DOK6: variants seen among roughly 807,000 people sequenced by gnomAD.
DOK6 encodes the protein downstream of tyrosine kinase 6.
Under a neutral mutation model 44.0 loss-of-function variants are expected in DOK6, and 22 were observed. The observed-to-expected ratio is 0.50, with a 90% CI of 0.36 to 0.71. The LOEUF (loss-of-function observed/expected upper bound fraction) is 0.71. DOK6 is among the 30% of genes least tolerant of loss of function. DOK6 has a pLI of 0.00. For missense variants in DOK6, 340 were observed against 416.4 expected, an observed-to-expected ratio of 0.82 and a Z score of 1.60; for synonymous variants, 166 against 145.5, an observed-to-expected ratio of 1.14 and a Z score of -1.01.
intron 7 of DOK6, among the ~76,000 whole-genome samples, chr18:69,813,588 A>T (rs2145117985): frequency 6.6e-6 from 1 of 152,288 alleles, no homozygotes; most frequent in East Asian, 1.9e-4. Flanking sequence ...AAATTAAAGA[A>T]TTTCTAGAGA....
chr18:69,571,360 A>G (rs2144603168), intron 2 of DOK6, among the ~76,000 whole-genome samples: 1 of 152,180 alleles, frequency 6.6e-6, no homozygotes, highest in Admixed American at 6.5e-5. Context: ...AAAAATGTAA[A>G]CAAAGAAGAA....
At chr18:69,730,839 G>C (rs1000077064) in intron 5 of DOK6, among the ~76,000 whole-genome samples, 2 of 152,002 alleles carry the variant, frequency 1.3e-5, no homozygotes, top group African/African-American at 4.8e-5. Flanking sequence ...GGATGTGATG[G>C]CTAACACCTG....
intron 1 of DOK6, chr18:69,471,487 C>T (rs1184209771): frequency 1.3e-5 from 2 of 151,772 alleles, no homozygotes; most frequent in Non-Finnish European, 2.9e-5. Context: ...CTTTGTAAGC[C>T]GTGGCACGGT....
intron 3 of DOK6, among the ~76,000 whole-genome samples, chr18:69,603,891 T>C (rs1401752096): frequency 1.3e-5 from 2 of 152,126 alleles, no homozygotes; most frequent in Admixed American, 6.5e-5. Context: ...GGGAAACTAT[T>C]TTGGATATTA....
intron 2 of DOK6, among the ~76,000 whole-genome samples, chr18:69,580,943 C>T (rs1417136795): frequency 6.6e-6 from 1 of 152,108 alleles, no homozygotes; most frequent in African/African-American, 2.4e-5. Flanking sequence ...CTTTCTGTAC[C>T]TATCTTATTT....
At chr18:69,794,791 C>T (rs1001826520) in intron 7 of DOK6, among the ~76,000 whole-genome samples, 5 of 152,234 alleles carry the variant, frequency 3.3e-5, no homozygotes, top group Admixed American at 6.5e-5. Flanking sequence ...GTCAGATCAG[C>T]GGCATGAGAT....
intron 6 of DOK6, among the ~76,000 whole-genome samples, chr18:69,747,420 G>GATTACCT (rs1462923167): frequency 2.0e-5 from 3 of 152,168 alleles, no homozygotes; most frequent in African/African-American, 2.4e-5. Context: ...GAGACAGTAA[G>GATTACCT]ATTACCTAAG....
chr18:69,438,311 G>T (rs1180917912), intron 1 of DOK6, among the ~76,000 whole-genome samples: 2 of 152,176 alleles, frequency 1.3e-5, no homozygotes, highest in Admixed American at 1.3e-4. Context: ...TTCATCATGA[G>T]TAGATTCCAT....
At chr18:69,653,043 G>T (rs994411232) in intron 3 of DOK6, among the ~76,000 whole-genome samples, 6 of 152,040 alleles carry the variant, frequency 3.9e-5, no homozygotes, top group African/African-American at 1.4e-4. Context: ...CAACACTCTC[G>T]TTAAAAACAT....
At chr18:69,738,919 T>G (rs1382798115) in intron 5 of DOK6, 46 bp from the exon 6 acceptor site, 1 of 1,605,626 alleles carries the variant, frequency 6.2e-7, no homozygotes, top group South Asian at 1.1e-5. Flanking sequence ...TGTTATGCAC[T>G]TGAACACATG....
intron 3 of DOK6, among the ~76,000 whole-genome samples, chr18:69,631,011 C>G (rs550893773): frequency 3.9e-5 from 6 of 152,120 alleles, no homozygotes; most frequent in African/African-American, 9.6e-5. Context: ...AATTTGCATT[C>G]AAGGTGTTAT....
intron 1 of DOK6, among the ~76,000 whole-genome samples, chr18:69,436,170 G>C (rs1051052333): frequency 9.4e-6 from 1 of 106,284 alleles, no homozygotes; most frequent in Non-Finnish European, 1.8e-5. Context: ...GAATTATCTG[G>C]ATTTTTTTTT....
Position 69,841,483 on chromosome 18 carries a change from T to C in DOK6, c.*100T>C, listed in dbSNP as rs758846248. 4.2e-5 allele frequency: 64 copies of C among 1,518,894 alleles called. No homozygotes were observed. The highest frequency in any genetic ancestry group is 5.3e-5 in the Non-Finnish European group (60 of 1,128,560). The allele number at this position is 1,518,894 out of a possible 1,614,324, so 94.1% of individuals were successfully genotyped here. ...CTGGAAGACCAATTGCAGTACAAAT[T>C]GAAATGGGTCGGCTCTAGCCCCAGT... On this transcript the variant is annotated 3_prime_UTR_variant, in exon 8 of 8. Coordinates refer to ENST00000382713, the MANE Select transcript of DOK6 (RefSeq NM_152721.6).
intron 1 of DOK6, among the ~76,000 whole-genome samples, chr18:69,458,301 A>G (rs910868392): frequency 6.6e-6 from 1 of 152,234 alleles, no homozygotes; most frequent in African/African-American, 2.4e-5. Flanking sequence ...AAAAACATAT[A>G]TCATCTCAAC....
intron 5 of DOK6, among the ~76,000 whole-genome samples, chr18:69,733,379 T>C (rs1236380925): frequency 6.6e-6 from 1 of 152,200 alleles, no homozygotes; most frequent in Non-Finnish European, 1.5e-5. Flanking sequence ...CATGCAAAGA[T>C]GCATATAAAT....
intron 3 of DOK6, among the ~76,000 whole-genome samples, chr18:69,671,673 T>C (rs1985802035): frequency 6.6e-6 from 1 of 152,214 alleles, no homozygotes; most frequent in South Asian, 2.1e-4. Context: ...CTATTTTATC[T>C]AGCTAAGCAA....
intron 1 of DOK6, among the ~76,000 whole-genome samples, chr18:69,457,257 T>C (rs1979656576): frequency 1.3e-5 from 2 of 152,228 alleles, no homozygotes; most frequent in African/African-American, 4.8e-5. Flanking sequence ...TGCTAGGTTT[T>C]CTTCTAGGAT....
intron 6 of DOK6, among the ~76,000 whole-genome samples, chr18:69,755,387 T>C (rs1979322524): frequency 6.6e-6 from 1 of 152,206 alleles, no homozygotes; most frequent in Non-Finnish European, 1.5e-5. Flanking sequence ...ATCAATGATC[T>C]ACTGTATGCT....
Position 69,794,100 on chromosome 18 carries a change from T to C in DOK6, c.856+36227T>C, listed in dbSNP as rs548667553. Among the ~76,000 whole-genome samples the C allele has an allele frequency of 2.6e-5, 4 of 152,196 alleles. No homozygotes were observed. In the South Asian group the frequency reaches 8.3e-4, roughly 31 times the overall value. On this transcript the variant is annotated intron_variant, in intron 7 of 7. Transcript: ENST00000382713. Reference sequence around the variant, plus strand: ...CACCCTGAATGGAAATTTTTCATTTTGCTCAGTACATTTATGAAATAATCC... The same window carrying C: ...CACCCTGAATGGAAATTTTTCATTTCGCTCAGTACATTTATGAAATAATCC...
Sources: gnomAD v4.1 joint callset for allele counts (sites outside exome capture counted in the v4.1 genomes callset) on GRCh38, gnomAD v4.1.1 for gene constraint, MANE v1.5 for transcripts, NCBI Gene and HGNC (gene_info 2026-07-23, HGNC 2026-07-21) for gene names.